The following THSD7B variants were observed in gnomAD, a reference collection of about 807,000 sequenced individuals.
THSD7B encodes thrombospondin type 1 domain containing 7B, also known as thrombospondin type-1 domain-containing protein 7B.
Under a neutral mutation model 213.6 loss-of-function variants are expected in THSD7B, and 138 were observed. The observed-to-expected ratio is 0.65, with a 90% CI of 0.56 to 0.74. The LOEUF (loss-of-function observed/expected upper bound fraction) is 0.74. Among genes scored for constraint, THSD7B ranks in the 30% least tolerant of loss-of-function variants. The pLI, the probability that THSD7B is intolerant of heterozygous loss-of-function variation, is 0.00. For synonymous variants in THSD7B, 742 were observed against 687.0 expected, an observed-to-expected ratio of 1.08 and a Z score of -1.25; for missense variants, 1,931 against 1,991.5, an observed-to-expected ratio of 0.97 and a Z score of 0.58.
chr2:137,313,794 G>C lies in THSD7B; in HGVS notation c.2500+37768G>C, dbSNP rs190283276. 3.5e-3 allele frequency among the ~76,000 whole-genome samples: 526 copies of C among 152,178 alleles called. 5 individuals are homozygous for C. The highest frequency in any genetic ancestry group is 0.012 in the African/African-American group (502 of 41,524). On this transcript the variant is annotated intron_variant, in intron 12 of 27. Coordinates refer to ENST00000409968, the MANE Select transcript of THSD7B (RefSeq NM_001316349.2). ...TTAGTTTGGCTGTATATGAAATTCTGGGTTGAAAATTCTTTTCTTTAAGAA... is the reference window on the plus strand; with the variant it reads ...TTAGTTTGGCTGTATATGAAATTCTCGGTTGAAAATTCTTTTCTTTAAGAA...
At chr2:137,401,565 C>A (rs1299573466) in intron 12 of THSD7B, among the ~76,000 whole-genome samples, 5 of 151,734 alleles carry the variant, frequency 3.3e-5, no homozygotes, top group African/African-American at 1.2e-4. Flanking sequence ...CCAGAAGACA[C>A]CTGAAAACTA....
chr2:137,275,884 A>G (rs779792144), intron 11 of THSD7B, 39 bp from the exon 12 acceptor site: 2 of 1,473,998 alleles, frequency 1.4e-6, no homozygotes, highest in African/African-American at 2.8e-5. Flanking sequence ...CGTGTTGATC[A>G]CAGTAAAGTT....
intron 15 of THSD7B, among the ~76,000 whole-genome samples, chr2:137,462,417 T>G (rs1175061187): frequency 6.6e-6 from 1 of 152,072 alleles, no homozygotes; most frequent in Non-Finnish European, 1.5e-5. Flanking sequence ...CTAGACTAAC[T>G]GAGACCAAGT....
intron 15 of THSD7B, among the ~76,000 whole-genome samples, chr2:137,558,373 T>C (rs930921995): frequency 1.1e-4 from 16 of 152,102 alleles, no homozygotes; most frequent in African/African-American, 3.6e-4. Flanking sequence ...CCATGATCAA[T>C]TGGGCTTCAT....
chr2:137,368,496 A>C (rs891533762), intron 12 of THSD7B, among the ~76,000 whole-genome samples: 3 of 152,078 alleles, frequency 2.0e-5, no homozygotes, highest in African/African-American at 7.2e-5. Flanking sequence ...GCTAGCTTAC[A>C]TTTAATTGTT....
chr2:137,016,303 A>G (rs1686338811), intron 2 of THSD7B, among the ~76,000 whole-genome samples: 1 of 152,152 alleles, frequency 6.6e-6, no homozygotes, highest in Non-Finnish European at 1.5e-5. Context: ...TTTTGGATGA[A>G]TAATTAGATA....
chr2:137,247,077 AG>A (rs1240523057), intron 10 of THSD7B, among the ~76,000 whole-genome samples: 2 of 152,184 alleles, frequency 1.3e-5, no homozygotes, highest in African/African-American at 4.8e-5. Flanking sequence ...CTGTTATAGG[AG>A]ACCATTGATA....
At chr2:137,569,496 G>A (rs913774989) in intron 16 of THSD7B, among the ~76,000 whole-genome samples, 1 of 152,170 alleles carries the variant, frequency 6.6e-6, no homozygotes, top group Admixed American at 6.5e-5. Flanking sequence ...ACTTACCTGT[G>A]TGGACCAGGG....
At chr2:137,132,933 C>T (rs936539051) in intron 5 of THSD7B, among the ~76,000 whole-genome samples, 1 of 152,106 alleles carries the variant, frequency 6.6e-6, no homozygotes, top group East Asian at 1.9e-4. Flanking sequence ...TAAAGACAGC[C>T]ACACTGTACT....
chr2:137,576,464 T>A (rs1362430184), intron 17 of THSD7B, among the ~76,000 whole-genome samples: 1 of 152,048 alleles, frequency 6.6e-6, no homozygotes, highest in African/African-American at 2.4e-5. Flanking sequence ...AACTTCATGA[T>A]CAAAAAGTGA....
intron 12 of THSD7B, among the ~76,000 whole-genome samples, chr2:137,357,117 C>T (rs994321161): frequency 2.6e-5 from 4 of 152,058 alleles, no homozygotes; most frequent in South Asian, 2.1e-4. Context: ...TGACATTATA[C>T]GTGTATGATT....
At chr2:136,813,561 C>G (rs1308684561) in intron 1 of THSD7B, among the ~76,000 whole-genome samples, 1 of 152,088 alleles carries the variant, frequency 6.6e-6, no homozygotes, top group Non-Finnish European at 1.5e-5. Context: ...AGTTTGAACT[C>G]ATACAACTTT....
chr2:137,357,299 T>C (rs1053965986), intron 12 of THSD7B, among the ~76,000 whole-genome samples: 1 of 152,182 alleles, frequency 6.6e-6, no homozygotes, highest in Non-Finnish European at 1.5e-5. Context: ...CAGCTAAGCA[T>C]ACTCCAGTGA....
intron 10 of THSD7B, among the ~76,000 whole-genome samples, chr2:137,244,862 GA>G (rs1250635680): frequency 1.3e-5 from 2 of 152,158 alleles, no homozygotes; most frequent in African/African-American, 4.8e-5. Context: ...GACACTATAA[GA>G]GGGGGAAAAA....
intron 2 of THSD7B, among the ~76,000 whole-genome samples, chr2:136,920,730 G>C (rs776263309): frequency 1.3e-5 from 2 of 152,156 alleles, no homozygotes; most frequent in Non-Finnish European, 2.9e-5. Flanking sequence ...TGCCCAGGCT[G>C]TCTGCACCGA....
intron 15 of THSD7B, among the ~76,000 whole-genome samples, chr2:137,558,485 C>G (rs1449273137): frequency 6.6e-6 from 1 of 152,140 alleles, no homozygotes; most frequent in Middle Eastern, 3.2e-3. Context: ...TCAATAGATG[C>G]AGAAAAGGCC....
intron 15 of THSD7B, among the ~76,000 whole-genome samples, chr2:137,554,528 G>A (rs1242978870): frequency 6.6e-6 from 1 of 152,160 alleles, no homozygotes; most frequent in Non-Finnish European, 1.5e-5. Flanking sequence ...ACTAAGGTGA[G>A]ATAAAGAGCT....
intron 10 of THSD7B, among the ~76,000 whole-genome samples, chr2:137,270,094 T>C (rs1682697666): frequency 6.6e-6 from 1 of 152,166 alleles, no homozygotes; most frequent in South Asian, 2.1e-4. Context: ...GAAAAGTATT[T>C]AATAGCTATA....
chr2:137,057,052 G>A lies in THSD7B; in HGVS notation c.772G>A (p.Glu258Lys). Reference sequence around the variant, plus strand: ...TAAATGCAGACTGCCTCATCTTAAAGAAATTAATCCAAGCGGAAGAACTGT... The same window carrying A: ...TAAATGCAGACTGCCTCATCTTAAAAAAATTAATCCAAGCGGAAGAACTGT... ...WSKCRLPHLK[E>K]INPSGRTVLD... is the part of the protein sequence containing the mutation. The change falls in exon 3 of 28, where the codon GAA (glutamate) becomes AAA (lysine). Residue 258 changes from glutamate (E) to lysine (K), a missense_variant. Physicochemically the swap from Glu to Lys is moderately conservative, Grantham distance 56 (BLOSUM62 1). Coordinates refer to ENST00000409968, the MANE Select transcript of THSD7B (RefSeq NM_001316349.2). 1 of 1,613,932 alleles carries A rather than the reference G, an allele frequency of 6.2e-7. No individual in the cohort carries two copies. Among genetic ancestry groups the A allele is most frequent in the Non-Finnish European group, 8.5e-7 (1 of 1,179,886 alleles).
Sources: allele counts gnomAD v4.1 joint callset (sites outside exome capture counted in the v4.1 genomes callset), GRCh38; gene constraint gnomAD v4.1.1; transcripts MANE v1.5; gene names NCBI Gene and HGNC (gene_info 2026-07-23, HGNC 2026-07-21).